DGKI: variants seen among roughly 807,000 people sequenced by gnomAD.
DGKI encodes the protein DAG kinase iota.
In DGKI, 55 loss-of-function variants were observed where a neutral mutation model predicts 147.5. That is an observed-to-expected ratio of 0.37 (90% CI 0.30 to 0.47). DGKI has a LOEUF of 0.47. Among genes scored for constraint, DGKI ranks in the 20% least tolerant of loss-of-function variants. The probability of loss-of-function intolerance (pLI) is 1.00; values close to 1 mark genes in which losing one functional copy is unlikely to be tolerated. For missense variants in DGKI, 1,007 were observed against 1,323.8 expected (o/e 0.76, Z 3.71); for synonymous variants, 469 against 477.1 (o/e 0.98, Z 0.22).
chr7:137,590,918 A>G (rs1471255412), intron 12 of DGKI, among the ~76,000 whole-genome samples: 1 of 152,188 alleles, frequency 6.6e-6, no homozygotes, highest in Non-Finnish European at 1.5e-5. Context: ...GGCTGCCCCC[A>G]AACTCCTGAG....
At chr7:137,408,303 T>C (rs187274676) in intron 29 of DGKI, among the ~76,000 whole-genome samples, 13 of 152,202 alleles carry the variant, frequency 8.5e-5, no homozygotes, top group Admixed American at 8.5e-4. Context: ...CTCGAAGGAG[T>C]AGTGAGGGGT....
chr7:137,839,248 T>C (rs1002721403), intron 1 of DGKI, among the ~76,000 whole-genome samples: 1 of 152,166 alleles, frequency 6.6e-6, no homozygotes, highest in African/African-American at 2.4e-5. Flanking sequence ...CTAGTAACAA[T>C]GAATTGTGTT....
intron 21 of DGKI, among the ~76,000 whole-genome samples, chr7:137,494,023 A>G (rs747343601): frequency 2.6e-5 from 4 of 152,238 alleles, no homozygotes; most frequent in Admixed American, 6.5e-5. Flanking sequence ...CAAGAATTTC[A>G]GAATACAACT....
chr7:137,659,150 T>C (rs949037939), intron 3 of DGKI, among the ~76,000 whole-genome samples: 4 of 152,164 alleles, frequency 2.6e-5, no homozygotes, highest in African/African-American at 2.4e-5. Context: ...AGTGTTGCTG[T>C]CTTTTGTTGC....
At chr7:137,552,686 A>T in intron 19 of DGKI, 118 bp from the exon 20 acceptor site, 1 of 1,032,706 alleles carries the variant, frequency 9.7e-7, no homozygotes, top group South Asian at 1.5e-5. Context: ...AGGCAGGTGG[A>T]TCACCGGTGG....
intron 19 of DGKI, among the ~76,000 whole-genome samples, chr7:137,567,224 A>C (rs1818616753): frequency 6.6e-6 from 1 of 150,658 alleles, no homozygotes; most frequent in African/African-American, 2.5e-5. Flanking sequence ...AGATTGCACC[A>C]TTGCACTCCA....
At chr7:137,567,387 T>C (rs151128028) in intron 19 of DGKI, among the ~76,000 whole-genome samples, 12 of 152,268 alleles carry the variant, frequency 7.9e-5, no homozygotes, top group African/African-American at 2.6e-4. Flanking sequence ...AGACATTATA[T>C]ATTCTTTTTT....
At position 137,619,919 on chromosome 7, in the gene DGKI, A is replaced by G; in HGVS notation, c.898T>C (p.Phe300Leu). 6.2e-7 allele frequency: 1 copy of G among 1,613,856 alleles called. No homozygotes were observed. The highest frequency in any genetic ancestry group is 1.1e-5 in the South Asian group (1 of 91,068). Residue 300 changes from phenylalanine (F) to leucine (L), a missense_variant, in exon 8 of 33, where the codon TTC (phenylalanine) becomes CTC (leucine). Physicochemically the swap from Phe to Leu is conservative, Grantham distance 22 (BLOSUM62 0). Coordinates refer to ENST00000614521, the MANE Select transcript of DGKI (RefSeq NM_001321708.2). Reference sequence around the variant, plus strand: ...GGTTCTTCAATGTGATGCAGCATGAAGCAGGTCACCTTATTGTGAAACTGA... The same window carrying G: ...GGTTCTTCAATGTGATGCAGCATGAGGCAGGTCACCTTATTGTGAAACTGA... The part of the protein sequence containing the change: ...KQAFHNKVTC[F>L]MLHHIEEPCS...
At chr7:137,508,219 C>CTTTTTT (rs1171968411) in intron 21 of DGKI, among the ~76,000 whole-genome samples, 4 of 92,528 alleles carry the variant, frequency 4.3e-5, no homozygotes, top group South Asian at 3.7e-4. Flanking sequence ...AGACAGGTTT[C>CTTTTTT]TTTTTTTTTT....
At chr7:137,581,478 A>G (rs758488861) in intron 15 of DGKI, among the ~76,000 whole-genome samples, 1 of 152,154 alleles carries the variant, frequency 6.6e-6, no homozygotes, top group Non-Finnish European at 1.5e-5. Flanking sequence ...TTGTGAAGCT[A>G]AAGAATATCC....
At position 137,388,777 on chromosome 7, in the gene DGKI, T is replaced by G. The variant is rs1055434098; in HGVS notation, c.*2443A>C. 6.6e-6 allele frequency: 1 copy of G among 151,866 alleles called. No homozygotes were observed. Among genetic ancestry groups the G allele is most frequent in the Non-Finnish European group, 1.5e-5 (1 of 67,982 alleles). The allele number at this position is 151,866 out of a possible 1,614,324, so 9.4% of individuals were successfully genotyped here. A position where few individuals can be genotyped will look rare whatever the true frequency, so the allele number is the denominator to read the frequency against. On this transcript the variant is annotated 3_prime_UTR_variant, in exon 33 of 33. Coordinates refer to ENST00000614521, the MANE Select transcript of DGKI (RefSeq NM_001321708.2). ...CAAAGCGATATATCAAATATTGGTC[T>G]CCATGAATAACACAGGACTCTAATG...
chr7:137,440,285 T>C (rs565227243), intron 28 of DGKI, among the ~76,000 whole-genome samples: 1 of 152,336 alleles, frequency 6.6e-6, no homozygotes, highest in African/African-American at 2.4e-5. Context: ...GCATGGCAGG[T>C]TTCCCTGAAA....
intron 6 of DGKI, among the ~76,000 whole-genome samples, chr7:137,632,091 C>T (rs1008991738): frequency 6.6e-6 from 1 of 152,176 alleles, no homozygotes; most frequent in Non-Finnish European, 1.5e-5. Flanking sequence ...GGTGCACTTA[C>T]TGTAAGATTG....
intron 15 of DGKI, among the ~76,000 whole-genome samples, chr7:137,578,549 C>A (rs1819067260): frequency 6.6e-6 from 1 of 152,216 alleles, no homozygotes; most frequent in Non-Finnish European, 1.5e-5. Flanking sequence ...ACCGGCATCA[C>A]TGACATTAGC....
intron 20 of DGKI, among the ~76,000 whole-genome samples, chr7:137,531,283 C>A (rs1221014736): frequency 6.6e-6 from 1 of 152,210 alleles, no homozygotes; most frequent in Non-Finnish European, 1.5e-5. Context: ...CCCTGTCTTT[C>A]ATCACATCAG....
At chr7:137,475,539 G>T (rs1459247502) in intron 23 of DGKI, among the ~76,000 whole-genome samples, 1 of 152,116 alleles carries the variant, frequency 6.6e-6, no homozygotes, top group African/African-American at 2.4e-5. Context: ...TTGCTAATTT[G>T]TCAGTTGTCA....
intron 1 of DGKI, among the ~76,000 whole-genome samples, chr7:137,760,322 C>T (rs1379932648): frequency 1.3e-5 from 2 of 152,200 alleles, no homozygotes; most frequent in Admixed American, 6.5e-5. Context: ...AGCGCCTTTG[C>T]CAGTAGCCTG....
At chr7:137,467,646 T>C (rs1391351767) in intron 24 of DGKI, among the ~76,000 whole-genome samples, 2 of 152,120 alleles carry the variant, frequency 1.3e-5, no homozygotes, top group Non-Finnish European at 2.9e-5. Flanking sequence ...GCTACATCTA[T>C]GGTATGCGAA....
intron 3 of DGKI, among the ~76,000 whole-genome samples, chr7:137,674,703 CCT>C (rs1822968582): frequency 6.6e-6 from 1 of 152,208 alleles, no homozygotes; most frequent in African/African-American, 2.4e-5. Flanking sequence ...GCTTGCCCCA[CCT>C]CTGAGTCTGC....
Sources: gnomAD v4.1 joint callset for allele counts (sites outside exome capture counted in the v4.1 genomes callset) on GRCh38, gnomAD v4.1.1 for gene constraint, MANE v1.5 for transcripts, NCBI Gene and HGNC (gene_info 2026-07-23, HGNC 2026-07-21) for gene names.